XRCC4: variants seen among roughly 807,000 people sequenced by gnomAD.
XRCC4 encodes the protein DNA repair protein XRCC4.
XRCC4 carries 28 observed loss-of-function variants against 39.1 expected under a neutral mutation model. The ratio of observed to expected loss-of-function variants is 0.72; its 90% CI spans 0.53 to 0.98. The LOEUF is 0.98. Among genes scored for constraint, XRCC4 ranks in the 50% least tolerant of loss-of-function variants. XRCC4 has a pLI of 0.00. For synonymous variants in XRCC4, 123 were observed against 126.4 expected, an observed-to-expected ratio of 0.97 and a Z score of 0.18; for missense variants, 350 against 376.4, an observed-to-expected ratio of 0.93 and a Z score of 0.58.
chr5:83,198,992 A>G (rs1751065009), intron 4 of XRCC4, among the ~76,000 whole-genome samples: 1 of 152,140 alleles, frequency 6.6e-6, no homozygotes. Context: ...TTTTGTTTGC[A>G]CTCAGACCTC....
At chr5:83,228,112 A>G (rs1232521390) in intron 6 of XRCC4, among the ~76,000 whole-genome samples, 1 of 152,090 alleles carries the variant, frequency 6.6e-6, no homozygotes, top group Non-Finnish European at 1.5e-5. Context: ...TTGATTAACC[A>G]AGTAATGTCT....
At chr5:83,205,981 T>A (rs1580369462) in intron 6 of XRCC4, among the ~76,000 whole-genome samples, 4 of 151,976 alleles carry the variant, frequency 2.6e-5, no homozygotes, top group Admixed American at 2.6e-4. Flanking sequence ...TAAGCAATAC[T>A]ATAGAGTGTA....
chr5:83,120,236 G>T (rs1746943937), intron 3 of XRCC4, among the ~76,000 whole-genome samples: 1 of 152,186 alleles, frequency 6.6e-6, no homozygotes, highest in South Asian at 2.1e-4. Flanking sequence ...TAAGTGAGTT[G>T]CTAAGGAAAA....
chr5:83,266,670 G>A (rs756783788), intron 7 of XRCC4, among the ~76,000 whole-genome samples: 8 of 151,862 alleles, frequency 5.3e-5, no homozygotes, highest in Non-Finnish European at 1.0e-4. Context: ...TAAAATTTTA[G>A]GACATAGTAT....
chr5:83,187,634 T>C (rs1054060605), intron 3 of XRCC4, among the ~76,000 whole-genome samples: 3 of 152,114 alleles, frequency 2.0e-5, no homozygotes, highest in African/African-American at 7.2e-5. Flanking sequence ...CTGCTGTCCA[T>C]TGGAGAGTAT....
chr5:83,363,615 A>T, the XRCC4 span, among the ~76,000 whole-genome samples: 2 of 152,202 alleles, frequency 1.3e-5, no homozygotes, highest in Non-Finnish European at 2.9e-5. Context: ...TGTTGCAAAC[A>T]GTCTTTGGAA....
At chr5:83,167,535 A>G (rs1269070139) in intron 3 of XRCC4, among the ~76,000 whole-genome samples, 2 of 152,196 alleles carry the variant, frequency 1.3e-5, no homozygotes, top group African/African-American at 4.8e-5. Flanking sequence ...TGCACTGGCC[A>G]GGGGGTCATT....
At chr5:83,279,742 A>T (rs191033074) in intron 7 of XRCC4, among the ~76,000 whole-genome samples, 2 of 152,358 alleles carry the variant, frequency 1.3e-5, no homozygotes, top group Admixed American at 1.3e-4. Context: ...GCAGAAAATG[A>T]TAATGTCTGT....
chr5:83,210,019 A>C (rs930596822), intron 6 of XRCC4, among the ~76,000 whole-genome samples: 6 of 152,130 alleles, frequency 3.9e-5, no homozygotes, highest in Non-Finnish European at 8.8e-5. Flanking sequence ...TCCTGAAAGG[A>C]AGTGTGATTA....
At chr5:83,333,232 G>A (rs762978441) in intron 7 of XRCC4, among the ~76,000 whole-genome samples, 19 of 152,046 alleles carry the variant, frequency 1.2e-4, no homozygotes, top group Non-Finnish European at 1.5e-4. Context: ...ATCTTTTTCC[G>A]TCTTAAGTTA....
chr5:83,259,664 C>T (rs1449959433), intron 7 of XRCC4, among the ~76,000 whole-genome samples: 2 of 151,918 alleles, frequency 1.3e-5, no homozygotes, highest in African/African-American at 2.4e-5. Context: ...CTGGAAAATA[C>T]GTTTCATAAA....
chr5:83,128,459 C>T (rs560232487), intron 3 of XRCC4, among the ~76,000 whole-genome samples: 5 of 152,234 alleles, frequency 3.3e-5, no homozygotes, highest in Admixed American at 3.3e-4. Context: ...TTTATAGCAG[C>T]ATGATTTATA....
chr5:83,249,370 G>T (rs1561431645), intron 6 of XRCC4, among the ~76,000 whole-genome samples: 1 of 152,146 alleles, frequency 6.6e-6, no homozygotes, highest in African/African-American at 2.4e-5. Context: ...GTCTAGTGTT[G>T]CAAATCCGGA....
At chr5:83,216,716 G>T (rs1751873518) in intron 6 of XRCC4, among the ~76,000 whole-genome samples, 1 of 152,132 alleles carries the variant, frequency 6.6e-6, no homozygotes. Flanking sequence ...CAGATGCAAA[G>T]GTTGTTTATT....
chr5:83,130,633 G>A (rs931304314), intron 3 of XRCC4, among the ~76,000 whole-genome samples: 59 of 152,070 alleles, frequency 3.9e-4, no homozygotes, highest in African/African-American at 1.4e-3. Context: ...ATTAATTATT[G>A]CCTCAATTTC....
intron 6 of XRCC4, among the ~76,000 whole-genome samples, chr5:83,232,404 A>G (rs1752526170): frequency 6.6e-6 from 1 of 152,034 alleles, no homozygotes; most frequent in Non-Finnish European, 1.5e-5. Flanking sequence ...ATCAAATCAA[A>G]TTGCCCTAAT....
At chr5:83,128,205 T>C (rs536556760) in intron 3 of XRCC4, among the ~76,000 whole-genome samples, 2 of 152,218 alleles carry the variant, frequency 1.3e-5, no homozygotes, top group South Asian at 4.1e-4. Flanking sequence ...TTCCCACCTA[T>C]GAGTGAGAAC....
At chr5:83,367,507 C>G in the XRCC4 span, among the ~76,000 whole-genome samples, 1 of 152,164 alleles carries the variant, frequency 6.6e-6, no homozygotes, top group Admixed American at 6.5e-5. Context: ...CTTGCACGGG[C>G]CACTCTGCTC....
chr5:83,147,150 G>A (rs1748491422), intron 3 of XRCC4, among the ~76,000 whole-genome samples: 1 of 152,182 alleles, frequency 6.6e-6, no homozygotes, highest in African/African-American at 2.4e-5. Flanking sequence ...TCCATGGGGT[G>A]TGGTGATGGA....
Sources: gnomAD v4.1 joint callset for allele counts (sites outside exome capture counted in the v4.1 genomes callset) on GRCh38, gnomAD v4.1.1 for gene constraint, MANE v1.5 for transcripts, NCBI Gene and HGNC (gene_info 2026-07-23, HGNC 2026-07-21) for gene names.